Variants in FCAMR observed in about 807,000 individuals in gnomAD.
FCAMR encodes high affinity immunoglobulin alpha and immunoglobulin mu Fc receptor.
Under a neutral mutation model 52.2 loss-of-function variants are expected in FCAMR, and 51 were observed. The ratio of observed to expected loss-of-function variants is 0.98; its 90% CI spans 0.78 to 1.23. FCAMR has a LOEUF of 1.23. Among genes scored for constraint, FCAMR ranks in the 50% most tolerant of loss-of-function variants. The pLI is 0.00. For missense variants in FCAMR, 719 were observed against 712.6 expected (o/e 1.01, Z -0.10); for synonymous variants, 282 against 262.0 (o/e 1.08, Z -0.74).
intron 4 of FCAMR, 66 bp from the exon 5 acceptor site, chr1:206,962,617 G>T (rs1392200638): frequency 1.5e-6 from 2 of 1,291,150 alleles, no homozygotes; most frequent in Non-Finnish European, 2.1e-6. Context: ...GGGGACTCAC[G>T]AACTCTGAAC....
At chr1:206,964,335 T>C (rs1364143728) in intron 4 of FCAMR, among the ~76,000 whole-genome samples, 1 of 152,058 alleles carries the variant, frequency 6.6e-6, no homozygotes. Flanking sequence ...TATCAGTCTG[T>C]TCTGCCTTTA....
chr1:206,968,033 T>C (rs1372523434), intron 1 of FCAMR, among the ~76,000 whole-genome samples: 1 of 152,232 alleles, frequency 6.6e-6, no homozygotes, highest in Non-Finnish European at 1.5e-5. Context: ...TTTTACCGCT[T>C]GCTGATGAAA....
intron 4 of FCAMR, among the ~76,000 whole-genome samples, chr1:206,965,010 TA>T (rs1465122293): frequency 1.3e-5 from 2 of 152,204 alleles, no homozygotes; most frequent in Non-Finnish European, 2.9e-5. Context: ...GTAGAGGTCA[TA>T]AATGTTATGT....
At position 206,967,257 on chromosome 1, in the gene FCAMR, G is replaced by A. The variant is rs576544372; in HGVS notation, c.109-145C>T. ...TTGCAGATATCTGAGAGTAAGACAA[G>A]CACTTCCCTCCCTGAGAAAGCATGA... On this transcript the variant is annotated intron_variant, in intron 2 of 7. Transcript: ENST00000324852. The A allele has an allele frequency of 7.8e-5, 61 of 784,664 alleles. No homozygotes were observed. The African/African-American group carries it at 9.8e-4, about 13-fold the overall frequency. The allele number at this position is 784,664 out of a possible 1,614,324, so 48.6% of individuals were successfully genotyped here.
intron 3 of FCAMR, 96 bp downstream of exon 3, chr1:206,966,956 G>A: frequency 8.2e-7 from 1 of 1,213,124 alleles, no homozygotes; most frequent in Non-Finnish European, 1.2e-6. Flanking sequence ...TACCTGGACA[G>A]TTTTACCATA....
rs561292505 is a variant in FCAMR, at chr1:206,967,476, C to A, written c.108+107G>T. Reference sequence around the variant, plus strand: ...GTAGTGGAAAGGCCACGTTTGAAGTCCAAACTCTAGTTGGAATTGTGGGAC... The same window carrying A: ...GTAGTGGAAAGGCCACGTTTGAAGTACAAACTCTAGTTGGAATTGTGGGAC... On this transcript the variant is annotated intron_variant, in intron 2 of 7. Transcript: ENST00000324852. 62 of 1,265,170 alleles carry A rather than the reference C, an allele frequency of 4.9e-5. 3 individuals carry two copies. The South Asian group carries it at 7.6e-4, about 16-fold the overall frequency. 78.4% of individuals were successfully genotyped at this position (1,265,170 alleles called of 1,614,324 possible).
At chr1:206,967,328 G>T (rs552375872) in intron 2 of FCAMR, among the ~76,000 whole-genome samples, 1 of 152,150 alleles carries the variant, frequency 6.6e-6, no homozygotes, top group African/African-American at 2.4e-5. Context: ...TCACGTCCAC[G>T]AGGCCAAAAT....
chr1:206,968,873 C>T (rs1277628758), intron 1 of FCAMR, among the ~76,000 whole-genome samples: 6 of 152,184 alleles, frequency 3.9e-5, no homozygotes. Flanking sequence ...TGGCTCTGCC[C>T]AGCCCTCTCC....
chr1:206,959,004 G>C, intron 7 of FCAMR: 1 of 499,620 alleles, frequency 2.0e-6, no homozygotes, highest in Non-Finnish European at 4.1e-6. Context: ...TTTGCCAAAG[G>C]GGGAAAATGC....
At chr1:206,969,315 A>T in intron 1 of FCAMR, 1 of 456,420 alleles carries the variant, frequency 2.2e-6, no homozygotes, top group Non-Finnish European at 4.4e-6. Flanking sequence ...AAGCAGGAGT[A>T]TGAGATAAAA....
In FCAMR at chr1:206,958,677, C is replaced by A. The variant is rs745680811; in HGVS notation, c.1574-1G>T. ...AAGGTGACCCTTTCTGCCTCCTGAG[C>A]TGCAGAGACACAGAGCAGACTGTGA... On this transcript the variant is annotated splice_acceptor_variant, in intron 7 of 7. Transcript: ENST00000324852. LOFTEE classifies it high-confidence loss of function. 3 of 1,614,028 alleles carry A rather than the reference C, an allele frequency of 1.9e-6. No individual in the cohort carries two copies. The South Asian group carries it at 3.3e-5, about 18-fold the overall frequency.
chr1:206,961,043 G>A lies in FCAMR; in HGVS notation c.833C>T (p.Ala278Val), dbSNP rs1205402986. The A allele has an allele frequency of 6.4e-7, 1 of 1,551,886 alleles. No individual in the cohort carries two copies. The highest frequency in any genetic ancestry group is 1.2e-5 in the South Asian group (1 of 84,056). ...TPGTSKTTAS[A>V]EGRRTPGATR... ...TGCTCCTGGGGTTCGTCTTCCCTCA[G>A]CTGAAGCTGTAGTCTTGCTGGTTCC... Residue 278 changes from alanine to valine, a missense_variant, in exon 6 of 8, where the codon GCT becomes GTT. Transcript: ENST00000324852.
chr1:206,960,588 T>A lies in FCAMR; in HGVS notation c.1288A>T (p.Thr430Ser). ...TPAADVWILG[T>S]PAADVWTSME... ...CTGGTCCACACATCTGCAGCTGGAGTTCCCAAGATCCACACATCTGCAGCT... is the reference window on the plus strand; with the variant it reads ...CTGGTCCACACATCTGCAGCTGGAGATCCCAAGATCCACACATCTGCAGCT... The change falls in exon 6 of 8, where the codon ACT becomes TCT. Residue 430 changes from threonine (T) to serine (S), a missense_variant. Thr to Ser is a moderately conservative substitution (Grantham distance 58, BLOSUM62 1). Coordinates refer to ENST00000324852, the MANE Select transcript of FCAMR (RefSeq NM_001170631.2). The A allele has an allele frequency of 6.5e-7, 1 of 1,549,142 alleles. No individual in the cohort carries two copies. Among genetic ancestry groups the A allele is most frequent in the Non-Finnish European group, 8.7e-7 (1 of 1,145,988 alleles).
chr1:206,969,720 G>A (rs1250760156), intron 1 of FCAMR, among the ~76,000 whole-genome samples: 1 of 152,066 alleles, frequency 6.6e-6, no homozygotes, highest in African/African-American at 2.4e-5. Flanking sequence ...ACAGAACCAG[G>A]ACTCAGGAGG....
At chr1:206,965,616 G>A (rs890530806) in intron 4 of FCAMR, 99 bp downstream of exon 4, 15 of 1,384,804 alleles carry the variant, frequency 1.1e-5, no homozygotes, top group African/African-American at 3.0e-5. Context: ...CATTAGGAGA[G>A]GCTAGGGCTG....
At chr1:206,960,124 A>C (rs1558022880) in intron 6 of FCAMR, 1 of 500,000 alleles carries the variant, frequency 2.0e-6, no homozygotes, top group South Asian at 3.4e-5. Context: ...GCTTCAGTGC[A>C]TCACCCCCTC....
Position 206,960,859 on chromosome 1 carries a change from T to G in FCAMR, c.1017A>C (p.Arg339Ser), listed in dbSNP as rs1558023658. The change falls in exon 6 of 8, where the codon AGA becomes AGC. Residue 339 changes from arginine to serine, a missense_variant. Physicochemically the swap from Arg to Ser is moderately radical, Grantham distance 110 (BLOSUM62 -1). Coordinates refer to ENST00000324852, the MANE Select transcript of FCAMR (RefSeq NM_001170631.2). ...GTRSSVTNRA[R>S]ASKDRREMTT... ...TCATCTCCCTCCTGTCCTTGCTGGC[T>G]CTAGCCCTGTTTGTCACCGAGCTTC... 1 of 1,552,422 alleles carries G rather than the reference T, an allele frequency of 6.4e-7. No individual in the cohort carries two copies. The highest frequency in any genetic ancestry group is 8.7e-7 in the Non-Finnish European group (1 of 1,147,148).
intron 1 of FCAMR, chr1:206,969,327 G>A (rs1680843869): frequency 4.4e-6 from 2 of 456,128 alleles, no homozygotes; most frequent in African/African-American, 2.0e-5. Flanking sequence ...GAGATAAAAT[G>A]TTTCCAGGGA....
rs1468491382 is a variant in FCAMR, at chr1:206,962,314, C to G, written c.551G>C (p.Arg184Thr). The G allele has an allele frequency of 1.2e-6, 2 of 1,614,090 alleles. No individual in the cohort carries two copies. The highest frequency in any genetic ancestry group is 1.7e-6 in the Non-Finnish European group (2 of 1,180,054). Reference sequence around the variant, plus strand: ...GTCATCCGGGGACAGTTGGGACAGCCTCACCACAAACAAGCCTCTCTGTGG... The same window carrying G: ...GTCATCCGGGGACAGTTGGGACAGCGTCACCACAAACAAGCCTCTCTGTGG... ...DFPQRGLFVV[R>T]LSQLSPDDIG... is the part of the protein sequence containing the mutation. Residue 184 changes from arginine (R) to threonine (T), a missense_variant, in exon 5 of 8, where the codon AGG becomes ACG. Transcript: ENST00000324852.
Sources: allele counts gnomAD v4.1 joint callset (sites outside exome capture counted in the v4.1 genomes callset), GRCh38; gene constraint gnomAD v4.1.1; transcripts MANE v1.5; gene names NCBI Gene and HGNC (gene_info 2026-07-23, HGNC 2026-07-21).